The following BCAR1 variants were observed in gnomAD, a reference collection of about 807,000 sequenced individuals.
BCAR1 encodes breast cancer anti-estrogen resistance protein 1.
BCAR1 carries 30 observed loss-of-function variants against 67.6 expected under a neutral mutation model. The ratio of observed to expected loss-of-function variants is 0.44; its 90% CI spans 0.33 to 0.60. BCAR1 has a LOEUF of 0.60. BCAR1 is among the 20% of genes least tolerant of loss of function. The pLI is 0.02. For synonymous variants in BCAR1, 626 were observed against 556.7 expected, an observed-to-expected ratio of 1.12 and a Z score of -1.75; for missense variants, 1,313 against 1,222.3, an observed-to-expected ratio of 1.07 and a Z score of -1.11.
chr16:75,250,859 G>C (rs1216078478), intron 1 of BCAR1: 28 of 985,470 alleles, frequency 2.8e-5, no homozygotes, highest in African/African-American at 3.5e-5. Context: ...ACCGGCGCTC[G>C]GCGTGCGGGG....
At chr16:75,239,216 C>CA in intron 2 of BCAR1, 1 of 722,214 alleles carries the variant, frequency 1.4e-6, no homozygotes, top group Non-Finnish European at 1.7e-6. Context: ...CCTGAGACCC[C>CA]ACTAGCAGGC....
chr16:75,233,807 G>C (rs757573738), intron 6 of BCAR1, 39 bp downstream of exon 6: 3 of 1,553,652 alleles, frequency 1.9e-6, no homozygotes, highest in African/African-American at 2.7e-5. Context: ...CAGGGGGTCA[G>C]CGGGCAAAGC....
intron 5 of BCAR1, 135 bp from the exon 6 acceptor site, chr16:75,234,070 G>A (rs947084848): frequency 1.3e-6 from 1 of 741,078 alleles, no homozygotes; most frequent in African/African-American, 1.7e-5. Context: ...CGCACACGTG[G>A]ACGCACACAC....
chr16:75,266,830 G>T, intron 1 of BCAR1: 1 of 1,299,724 alleles, frequency 7.7e-7, no homozygotes, highest in Non-Finnish European at 9.9e-7. Flanking sequence ...GGTCAGCGCT[G>T]CCCACCCCAG....
At chr16:75,264,775 G>T in intron 1 of BCAR1, 4 of 623,450 alleles carry the variant, frequency 6.4e-6, no homozygotes, top group Non-Finnish European at 6.6e-6. Flanking sequence ...GAAAGGATGG[G>T]GTCCTCCGGG....
chr16:75,265,577 C>G (rs1284572239), intron 1 of BCAR1, among the ~76,000 whole-genome samples: 1 of 151,974 alleles, frequency 6.6e-6, no homozygotes, highest in Non-Finnish European at 1.5e-5. Context: ...TTGGGGGGCT[C>G]CCCGAGGGGA....
Position 75,248,194 on chromosome 16 carries a change from G to A in BCAR1, c.12+3277C>T, listed in dbSNP as rs1291641409. On this transcript the variant is annotated intron_variant, in intron 1 of 6. Transcript: ENST00000162330. The stretch of plus-strand genomic sequence containing the variant: ...CTCCACTTTATCTCCACCGAGGGGT[G>A]ACGCCTGGGTTCGTGGAAACCACCA... 4.5e-6 allele frequency: 7 copies of A among 1,565,978 alleles called. No homozygotes were observed. In the African/African-American group the frequency reaches 6.8e-5, roughly 15 times the overall value.
At chr16:75,262,349 G>A (rs8052310) in intron 1 of BCAR1, among the ~76,000 whole-genome samples, 35,085 of 152,210 alleles carry the variant, frequency 0.23, 5,119 homozygotes, top group Admixed American at 0.34. Context: ...AGTGTGAAGA[G>A]GGAGCCTGAC....
At chr16:75,250,903 C>T (rs1597259541) in intron 1 of BCAR1, 9 of 985,586 alleles carry the variant, frequency 9.1e-6, no homozygotes, top group Non-Finnish European at 1.1e-5. Context: ...CCCCCACTCC[C>T]GCTCCGCTCC....
At chr16:75,243,183 G>A in intron 1 of BCAR1, 93 bp from the exon 2 acceptor site, 2 of 1,314,690 alleles carry the variant, frequency 1.5e-6, no homozygotes, top group Non-Finnish European at 2.1e-6. Flanking sequence ...GAGGTGCCCA[G>A]CTTTGATACT....
intron 1 of BCAR1, among the ~76,000 whole-genome samples, chr16:75,261,888 G>A (rs72802402): frequency 0.034 from 5,105 of 152,300 alleles, 272 homozygotes; most frequent in African/African-American, 0.11. Context: ...AGCCAACCAT[G>A]GCCACATGAA....
upstream of BCAR1, chr16:75,251,932 T>C (rs2077691517): frequency 3.7e-6 from 2 of 536,660 alleles, no homozygotes; most frequent in Non-Finnish European, 3.3e-6. Flanking sequence ...CGCAAACTCC[T>C]CCACTTCTGG....
chr16:75,257,525 G>T (rs1459447906), intron 1 of BCAR1, among the ~76,000 whole-genome samples: 1 of 152,216 alleles, frequency 6.6e-6, no homozygotes, highest in Non-Finnish European at 1.5e-5. Flanking sequence ...CACAGTCACA[G>T]CTCACTGCAG....
chr16:75,265,396 C>A (rs1472390912), intron 1 of BCAR1, among the ~76,000 whole-genome samples: 1 of 152,122 alleles, frequency 6.6e-6, no homozygotes, highest in Non-Finnish European at 1.5e-5. Flanking sequence ...CCTCCCACCC[C>A]CTCATCCGGC....
chr16:75,260,013 G>A (rs1406605369), intron 1 of BCAR1, among the ~76,000 whole-genome samples: 3 of 152,060 alleles, frequency 2.0e-5, no homozygotes, highest in Non-Finnish European at 2.9e-5. Flanking sequence ...GGCCAACATG[G>A]TGAAACCCTG....
chr16:75,264,195 G>C lies in BCAR1; in HGVS notation c.66+3720C>G, dbSNP rs990153957. ...AGAAGGCTGCCCAAAGTCCTGTAAGGCAAGGGGTCAGGGTGCCATCCCAGA... is the reference window on the plus strand; with the variant it reads ...AGAAGGCTGCCCAAAGTCCTGTAAGCCAAGGGGTCAGGGTGCCATCCCAGA... On this transcript the variant is annotated intron_variant, in intron 1 of 6. Transcript: ENST00000393422. 1.3e-5 allele frequency: 17 copies of C among 1,335,140 alleles called. No individual in the cohort carries two copies. In the African/African-American group the frequency reaches 2.4e-4, roughly 18 times the overall value. The allele number at this position is 1,335,140 out of a possible 1,614,324, so 82.7% of individuals were successfully genotyped here.
intron 1 of BCAR1, chr16:75,250,134 GA>G (rs1373302998): frequency 6.5e-6 from 1 of 152,970 alleles, no homozygotes; most frequent in Non-Finnish European, 1.5e-5. Context: ...GTAACGGCCA[GA>G]AGCTCCAAGC....
upstream of BCAR1, chr16:75,256,268 T>A (rs1394769791): frequency 6.6e-6 from 1 of 152,222 alleles, no homozygotes; most frequent in African/African-American, 2.4e-5. Context: ...CCGCAGAGCA[T>A]GCACTCAGGA....
intron 2 of BCAR1, chr16:75,238,595 C>A (rs909695126): frequency 3.0e-6 from 3 of 988,748 alleles, no homozygotes; most frequent in South Asian, 4.6e-5. Context: ...CCTGGCAGAG[C>A]CCCCCGCAGC....
Sources: allele counts gnomAD v4.1 joint callset (sites outside exome capture counted in the v4.1 genomes callset), GRCh38; gene constraint gnomAD v4.1.1; transcripts MANE v1.5; gene names NCBI Gene and HGNC (gene_info 2026-07-23, HGNC 2026-07-21).